KLHL1: variants seen among roughly 807,000 people sequenced by gnomAD.
KLHL1 encodes kelch like family member 1.
KLHL1 carries 47 observed loss-of-function variants against 77.7 expected under a neutral mutation model. The observed-to-expected ratio is 0.60, with a 90% CI of 0.48 to 0.77. The LOEUF is 0.77. KLHL1 is among the 30% of genes least tolerant of loss of function. KLHL1 has a pLI of 0.00. For synonymous variants in KLHL1, 360 were observed against 325.2 expected (o/e 1.11, Z -1.15); for missense variants, 925 against 910.8 (o/e 1.02, Z -0.20).
At chr13:70,102,345 T>C (rs1887941030) in intron 1 of KLHL1, among the ~76,000 whole-genome samples, 1 of 152,198 alleles carries the variant, frequency 6.6e-6, no homozygotes, top group Admixed American at 6.5e-5. Context: ...TATTGTTTAT[T>C]AATTATAAAA....
intron 5 of KLHL1, among the ~76,000 whole-genome samples, chr13:69,865,232 C>T (rs534502112): frequency 1.2e-4 from 18 of 152,194 alleles, no homozygotes; most frequent in African/African-American, 4.1e-4. Flanking sequence ...CCAGTGCACT[C>T]GGCCCTGAGT....
At chr13:69,711,002 C>T (rs1015816028) in intron 9 of KLHL1, among the ~76,000 whole-genome samples, 1 of 151,840 alleles carries the variant, frequency 6.6e-6, no homozygotes, top group East Asian at 1.9e-4. Flanking sequence ...AAAATGAAAA[C>T]GTGTTAAAGG....
chr13:70,068,266 G>C (rs868443294), intron 1 of KLHL1, among the ~76,000 whole-genome samples: 2 of 151,940 alleles, frequency 1.3e-5, no homozygotes, highest in African/African-American at 4.8e-5. Flanking sequence ...GCGTGAACCC[G>C]GGAGGCGGAG....
chr13:69,765,070 A>G (rs2137971735), intron 7 of KLHL1, among the ~76,000 whole-genome samples: 2 of 148,220 alleles, frequency 1.3e-5, no homozygotes, highest in Middle Eastern at 7.3e-3. Flanking sequence ...TCCTGCCTTA[A>G]ACTCCTGAGT....
chr13:70,093,098 A>C (rs1053242731), intron 1 of KLHL1, among the ~76,000 whole-genome samples: 1 of 152,214 alleles, frequency 6.6e-6, no homozygotes, highest in African/African-American at 2.4e-5. Context: ...TTAACCTTAA[A>C]ACATGAAAAT....
intron 7 of KLHL1, among the ~76,000 whole-genome samples, chr13:69,784,935 G>T (rs1248670250): frequency 5.4e-5 from 7 of 129,840 alleles, no homozygotes; most frequent in African/African-American, 2.0e-4. Flanking sequence ...TGTCGCCCAG[G>T]CTGGAGTGCA....
At chr13:69,826,834 A>G (rs1878568913) in intron 6 of KLHL1, among the ~76,000 whole-genome samples, 1 of 151,650 alleles carries the variant, frequency 6.6e-6, no homozygotes, top group Non-Finnish European at 1.5e-5. Flanking sequence ...TAAATTTTAT[A>G]AACGAGTGTT....
At chr13:69,927,624 A>G (rs1882857839) in intron 4 of KLHL1, among the ~76,000 whole-genome samples, 1 of 152,230 alleles carries the variant, frequency 6.6e-6, no homozygotes, top group Non-Finnish European at 1.5e-5. Context: ...CAAAGAGGAT[A>G]TATAAATGTC....
At chr13:69,924,163 T>G (rs1882736638) in intron 4 of KLHL1, among the ~76,000 whole-genome samples, 1 of 152,166 alleles carries the variant, frequency 6.6e-6, no homozygotes, top group Non-Finnish European at 1.5e-5. Context: ...TTGCAGGTGC[T>G]CCTCAGCACA....
In KLHL1 at chr13:69,896,585, A is replaced by G. The variant is rs73508490; in HGVS notation, c.1015-14090T>C. On this transcript the variant is annotated intron_variant, in intron 4 of 10. Coordinates refer to ENST00000377844, the MANE Select transcript of KLHL1 (RefSeq NM_020866.3). ...ATAAAATGTTTTAGTCATTCAATAC[A>G]AATGTATCATATATGCTAAGTACTC... Among the ~76,000 whole-genome samples the G allele has an allele frequency of 6.5e-3, 990 of 152,284 alleles. 15 individuals carry two copies. Among genetic ancestry groups the G allele is most frequent in the African/African-American group, 0.023 (948 of 41,540 alleles).
At chr13:69,912,451 A>ACTC (rs1882269611) in intron 4 of KLHL1, among the ~76,000 whole-genome samples, 3 of 152,194 alleles carry the variant, frequency 2.0e-5, no homozygotes, top group Non-Finnish European at 1.5e-5. Flanking sequence ...GCAATGACAA[A>ACTC]CTCAATAGCC....
chr13:70,038,984 A>T (rs1042190139), intron 1 of KLHL1, among the ~76,000 whole-genome samples: 2 of 150,706 alleles, frequency 1.3e-5, no homozygotes, highest in African/African-American at 4.9e-5. Flanking sequence ...AGCTCTTTTC[A>T]TGTAATTTTT....
At chr13:70,094,272 G>A (rs2137445879) in intron 1 of KLHL1, among the ~76,000 whole-genome samples, 1 of 152,004 alleles carries the variant, frequency 6.6e-6, no homozygotes, top group Non-Finnish European at 1.5e-5. Context: ...GCTGCAGTGA[G>A]CTAGGATCAC....
chr13:69,910,697 A>G (rs935616449), intron 4 of KLHL1, among the ~76,000 whole-genome samples: 1 of 152,096 alleles, frequency 6.6e-6, no homozygotes, highest in Admixed American at 6.6e-5. Context: ...GGAAAACCAA[A>G]TATTTTCACT....
intron 4 of KLHL1, among the ~76,000 whole-genome samples, chr13:69,902,270 T>C (rs1471182128): frequency 6.6e-6 from 1 of 152,170 alleles, no homozygotes; most frequent in African/African-American, 2.4e-5. Context: ...TTGTTCAACA[T>C]GGGCTGGTCT....
chr13:69,784,192 C>T (rs1270898238), intron 7 of KLHL1, among the ~76,000 whole-genome samples: 3 of 152,104 alleles, frequency 2.0e-5, no homozygotes, highest in African/African-American at 7.2e-5. Context: ...AAGCACTAAA[C>T]ATGGAAAGGA....
chr13:69,747,354 T>A (rs1363939303), intron 7 of KLHL1, among the ~76,000 whole-genome samples: 4 of 152,014 alleles, frequency 2.6e-5, no homozygotes, highest in African/African-American at 9.7e-5. Context: ...AGTAAGAGTT[T>A]CCTCCAGTGC....
At chr13:69,733,993 T>C (rs1374056978) in intron 8 of KLHL1, among the ~76,000 whole-genome samples, 5 of 152,050 alleles carry the variant, frequency 3.3e-5, no homozygotes, top group African/African-American at 7.2e-5. Context: ...ATAAATTAAA[T>C]TGTAGTATAA....
chr13:69,953,127 T>C (rs967366569), intron 3 of KLHL1, among the ~76,000 whole-genome samples: 1 of 151,072 alleles, frequency 6.6e-6, no homozygotes, highest in Non-Finnish European at 1.5e-5. Flanking sequence ...TTTTTATGAT[T>C]CTTCTTCAGA....
Sources: allele counts gnomAD v4.1 joint callset (sites outside exome capture counted in the v4.1 genomes callset), GRCh38; gene constraint gnomAD v4.1.1; transcripts MANE v1.5; gene names NCBI Gene and HGNC (gene_info 2026-07-23, HGNC 2026-07-21).